SVOP: variants seen among roughly 807,000 people sequenced by gnomAD.
SVOP encodes synaptic vesicle 2-related protein.
A neutral mutation model predicts 69.1 loss-of-function variants in SVOP; 17 were observed. The ratio of observed to expected loss-of-function variants is 0.25; its 90% CI spans 0.17 to 0.37. SVOP has a LOEUF of 0.37. Among genes scored for constraint, SVOP ranks in the 10% least tolerant of loss-of-function variants. The probability of loss-of-function intolerance (pLI) is 1.00; values close to 1 mark genes in which losing one functional copy is unlikely to be tolerated. For synonymous variants in SVOP, 238 were observed against 238.6 expected, an observed-to-expected ratio of 1.00 and a Z score of 0.02; for missense variants, 435 against 597.5, an observed-to-expected ratio of 0.73 and a Z score of 2.84.
chr12:108,970,394 T>C lies in SVOP; in HGVS notation c.453+2011A>G, dbSNP rs36189506. 4.6e-4 allele frequency among the ~76,000 whole-genome samples: 70 copies of C among 152,304 alleles called. 1 individual carries two copies. The highest frequency in any genetic ancestry group is 1.6e-3 in the African/African-American group (68 of 41,572). On this transcript the variant is annotated intron_variant, in intron 5 of 15. Transcript: ENST00000610966. ...TAATAGCACCTACTTCAATGGTTAT[T>C]AAGGGGATTGGATGAGCTAACGCAT...
At chr12:108,985,054 C>T (rs2040159604) in intron 1 of SVOP, among the ~76,000 whole-genome samples, 1 of 151,824 alleles carries the variant, frequency 6.6e-6, no homozygotes, top group African/African-American at 2.4e-5. Flanking sequence ...TAGTGAGATG[C>T]CATCTCTACA....
intron 3 of SVOP, 42 bp downstream of exon 3, chr12:108,978,536 G>T: frequency 1.4e-6 from 1 of 701,504 alleles, no homozygotes; most frequent in South Asian, 1.5e-5. Context: ...GCAGCATGGG[G>T]GTTTCTTGGA....
At chr12:108,970,749 T>C (rs2040074109) in intron 5 of SVOP, among the ~76,000 whole-genome samples, 1 of 152,198 alleles carries the variant, frequency 6.6e-6, no homozygotes, top group African/African-American at 2.4e-5. Flanking sequence ...ACACAGTGGC[T>C]CACATCTGTA....
At chr12:108,932,506 A>G (rs1175913661) in intron 11 of SVOP, among the ~76,000 whole-genome samples, 2 of 152,200 alleles carry the variant, frequency 1.3e-5, no homozygotes, top group Non-Finnish European at 2.9e-5. Flanking sequence ...AGACAGCTCC[A>G]GTGTTGTGGG....
At chr12:108,982,789 T>TATC (rs1197027890) in intron 2 of SVOP, among the ~76,000 whole-genome samples, 1 of 30,548 alleles carries the variant, frequency 3.3e-5, no homozygotes. Context: ...TCATCATCAC[T>TATC]ATCATCATCA....
chr12:109,015,189 G>A (rs1390869714), intron 1 of SVOP, among the ~76,000 whole-genome samples: 2 of 152,194 alleles, frequency 1.3e-5, no homozygotes, highest in Admixed American at 1.3e-4. Context: ...TGGATCCTGA[G>A]GCAGGAGCCT....
chr12:108,937,235 G>T, intron 10 of SVOP, 29 bp downstream of exon 10: 7 of 1,611,472 alleles, frequency 4.3e-6, no homozygotes, highest in Non-Finnish European at 5.9e-6. Context: ...AGTGGAAAGG[G>T]GTCAAAGTGG....
chr12:108,922,216 C>T (rs919978181), intron 12 of SVOP, among the ~76,000 whole-genome samples: 1 of 152,142 alleles, frequency 6.6e-6, no homozygotes, highest in African/African-American at 2.4e-5. Context: ...GTTGGCTTAT[C>T]GTCCAATATA....
chr12:109,012,935 A>T (rs1300741521), intron 1 of SVOP, among the ~76,000 whole-genome samples: 3 of 152,230 alleles, frequency 2.0e-5, no homozygotes, highest in Non-Finnish European at 4.4e-5. Flanking sequence ...GTCTTAAAAA[A>T]GGAATATGGG....
rs1305299753 is a variant in SVOP, at chr12:108,972,391, T to C, written c.453+14A>G. The C allele has an allele frequency of 6.5e-7, 1 of 1,536,588 alleles. No homozygotes were observed. The highest frequency in any genetic ancestry group is 1.4e-5 in the African/African-American group (1 of 72,916). Reference sequence around the variant, plus strand: ...CCCAGAGGACATGCGTTTAGAAGAGTAAGTTTGCCTTACTGTTTTCCTGCC... The same window carrying C: ...CCCAGAGGACATGCGTTTAGAAGAGCAAGTTTGCCTTACTGTTTTCCTGCC... On this transcript the variant is annotated intron_variant, in intron 5 of 15. Transcript: ENST00000610966.
intron 6 of SVOP, among the ~76,000 whole-genome samples, chr12:108,960,070 A>G (rs1490534578): frequency 6.6e-6 from 1 of 152,222 alleles, no homozygotes; most frequent in Non-Finnish European, 1.5e-5. Context: ...GTTAACACTA[A>G]ATATTGGCTA....
At chr12:109,007,727 A>G (rs2040316719) in intron 1 of SVOP, among the ~76,000 whole-genome samples, 1 of 152,170 alleles carries the variant, frequency 6.6e-6, no homozygotes, top group Non-Finnish European at 1.5e-5. Flanking sequence ...AACAATCATA[A>G]CAGGGAAGTA....
intron 12 of SVOP, among the ~76,000 whole-genome samples, chr12:108,921,110 T>TA (rs2039745709): frequency 6.6e-6 from 1 of 151,936 alleles, no homozygotes; most frequent in Non-Finnish European, 1.5e-5. Flanking sequence ...TTCAGAGAGG[T>TA]AAAATCACAG....
intron 2 of SVOP, among the ~76,000 whole-genome samples, chr12:108,979,168 A>C (rs1021969231): frequency 6.6e-6 from 1 of 152,222 alleles, no homozygotes; most frequent in Admixed American, 6.5e-5. Context: ...GAAGGAAAAA[A>C]TTATATGAGA....
chr12:108,929,688 C>T (rs7138346), intron 11 of SVOP, among the ~76,000 whole-genome samples: 72,900 of 151,950 alleles, frequency 0.48, 19,256 homozygotes, highest in East Asian at 0.64. Flanking sequence ...CTGACTCCCC[C>T]ACCCTGCTCC....
Position 108,935,979 on chromosome 12 carries a change from A to C in SVOP, c.971+1285T>G, listed in dbSNP as rs537458516. Among the ~76,000 whole-genome samples, 501 of 151,342 alleles carry C rather than the reference A, an allele frequency of 3.3e-3. 5 individuals are homozygous for C. Among genetic ancestry groups the C allele is most frequent in the African/African-American group, 0.012 (474 of 41,136 alleles). ...GCCACATGCCACCCCTGTGGTACCC[A>C]AGGGGCAATGTGGGCTACAGGGAAG... On this transcript the variant is annotated intron_variant, in intron 10 of 15. Coordinates refer to ENST00000610966, the MANE Select transcript of SVOP (RefSeq NM_018711.5).
chr12:108,962,065 C>T (rs906391504), intron 5 of SVOP, among the ~76,000 whole-genome samples: 5 of 152,154 alleles, frequency 3.3e-5, no homozygotes, highest in Non-Finnish European at 5.9e-5. Context: ...CTTACATCCT[C>T]CTAATTTGCA....
intron 6 of SVOP, among the ~76,000 whole-genome samples, chr12:108,952,049 G>C (rs2039958136): frequency 6.6e-6 from 1 of 152,024 alleles, no homozygotes; most frequent in South Asian, 2.1e-4. Context: ...CAGGTGCCTG[G>C]GTGCCCCATG....
chr12:108,939,735 T>C (rs1379961526), intron 8 of SVOP, among the ~76,000 whole-genome samples: 4 of 152,230 alleles, frequency 2.6e-5, no homozygotes, highest in Admixed American at 1.3e-4. Flanking sequence ...AAGTTGTCCT[T>C]AGATGTGGCT....
Sources: gnomAD v4.1 joint callset for allele counts (sites outside exome capture counted in the v4.1 genomes callset) on GRCh38, gnomAD v4.1.1 for gene constraint, MANE v1.5 for transcripts, NCBI Gene and HGNC (gene_info 2026-07-23, HGNC 2026-07-21) for gene names.